The following FGF18 variants were observed in gnomAD, a reference collection of about 807,000 sequenced individuals.
FGF18 encodes fibroblast growth factor 18.
A neutral mutation model predicts 23.0 loss-of-function variants in FGF18; 5 were observed. The observed-to-expected ratio is 0.22, with a 90% CI of 0.11 to 0.46. FGF18 has a LOEUF of 0.46. FGF18 is among the 20% of genes least tolerant of loss of function. FGF18 has a pLI of 0.99. For missense variants in FGF18, 180 were observed against 291.6 expected, an observed-to-expected ratio of 0.62 and a Z score of 2.79; for synonymous variants, 117 against 118.9, an observed-to-expected ratio of 0.98 and a Z score of 0.10.
intron 3 of FGF18, among the ~76,000 whole-genome samples, chr5:171,437,589 C>G (rs1772269689): frequency 6.6e-6 from 1 of 152,198 alleles, no homozygotes; most frequent in Admixed American, 6.5e-5. Flanking sequence ...AGCTCTGTCT[C>G]CCTCCTTCGG....
chr5:171,423,830 G>A (rs1484818143), intron 2 of FGF18, among the ~76,000 whole-genome samples: 5 of 145,574 alleles, frequency 3.4e-5, no homozygotes, highest in South Asian at 4.3e-4. Context: ...GTGCAGTGGC[G>A]TGATCTTGGC....
Position 171,456,314 on chromosome 5 carries a change from C to T in FGF18, c.358-225C>T, listed in dbSNP as rs1772579198. On this transcript the variant is annotated intron_variant, in intron 4 of 4. Coordinates refer to ENST00000274625, the MANE Select transcript of FGF18 (RefSeq NM_003862.3). This position sits in a 1 kb window ranked among gnomAD's most constrained non-coding sequence, Gnocchi z 6.1. Reference sequence around the variant, plus strand: ...CTTTAGCCAGAATCCCCTACACCCTCGATGTTTCCTCTTAGTCATTTTCCA... The same window carrying T: ...CTTTAGCCAGAATCCCCTACACCCTTGATGTTTCCTCTTAGTCATTTTCCA... Among the ~76,000 whole-genome samples the T allele has an allele frequency of 6.6e-6, 1 of 152,152 alleles. No homozygotes were observed.
chr5:171,447,685 C>T (rs567548865), intron 3 of FGF18, among the ~76,000 whole-genome samples: 1 of 152,312 alleles, frequency 6.6e-6, no homozygotes, highest in Admixed American at 6.5e-5. Flanking sequence ...TTAATTTTCA[C>T]AGCAGGGCAC....
chr5:171,442,390 G>T (rs1408457192), intron 3 of FGF18, among the ~76,000 whole-genome samples: 1 of 152,200 alleles, frequency 6.6e-6, no homozygotes, highest in African/African-American at 2.4e-5. Context: ...AGGGAGGGCT[G>T]ACTCGGTGTG....
intron 3 of FGF18, among the ~76,000 whole-genome samples, chr5:171,446,613 T>G (rs1361328790): frequency 6.6e-6 from 1 of 152,230 alleles, no homozygotes; most frequent in East Asian, 1.9e-4. Context: ...TGGGCCTACT[T>G]GGGGTTGTCT....
rs1206095348 is a variant in FGF18 at position 171,456,711 on chromosome 5, G to A, written c.530G>A (p.Arg177His). The A allele has an allele frequency of 6.2e-7, 1 of 1,613,818 alleles. No homozygotes were observed. Reference sequence around the variant, plus strand: ...CAGCAGGACGTGCATTTCATGAAGCGCTACCCCAAGGGGCAGCCGGAGCTT... The same window carrying A: ...CAGCAGGACGTGCATTTCATGAAGCACTACCCCAAGGGGCAGCCGGAGCTT... Reference protein sequence around the residue: ...ENQQDVHFMKRYPKGQPELQK... With the variant: ...ENQQDVHFMKHYPKGQPELQK... Residue 177 changes from arginine (R) to histidine (H), a missense_variant, in exon 5 of 5, where the codon CGC (arginine) becomes CAC (histidine). Physicochemically the swap from Arg to His is conservative, Grantham distance 29. Coordinates refer to ENST00000274625, the MANE Select transcript of FGF18 (RefSeq NM_003862.3). This position sits in a 1 kb window ranked among gnomAD's most constrained non-coding sequence, Gnocchi z 6.1.
At position 171,456,549 on chromosome 5, in the gene FGF18, C is replaced by G. The variant is rs1772584144; in HGVS notation, c.368C>G (p.Thr123Ser). The G allele has an allele frequency of 6.2e-7, 1 of 1,612,320 alleles. No homozygotes were observed. The highest frequency in any genetic ancestry group is 8.5e-7 in the Non-Finnish European group (1 of 1,178,738). ...KGKLVGKPDG[T>S]SKECVFIEKV... Reference sequence around the variant, plus strand: ...CTCTCTCCCCTGCAGCCCGATGGCACCAGCAAGGAGTGTGTGTTCATCGAG... The same window carrying G: ...CTCTCTCCCCTGCAGCCCGATGGCAGCAGCAAGGAGTGTGTGTTCATCGAG... Residue 123 changes from threonine to serine, a missense_variant, in exon 5 of 5, where the codon ACC becomes AGC. Around this residue, in one of 3 missense-constraint regions of FGF18, gnomAD observed 83 missense variants for 190.4 expected, o/e 0.44. Coordinates refer to ENST00000274625, the MANE Select transcript of FGF18 (RefSeq NM_003862.3). The surrounding 1 kb of genome is among the most constrained non-coding windows in gnomAD (Gnocchi z 6.1).
At chr5:171,421,877 TG>T (rs1483572483) in intron 2 of FGF18, among the ~76,000 whole-genome samples, 1 of 22,858 alleles carries the variant, frequency 4.4e-5, no homozygotes, top group Non-Finnish European at 8.1e-5. Flanking sequence ...TGTGTGGTGA[TG>T]GGGGTGGGGG....
chr5:171,430,506 GGGCCGGGCGCGGTGGC>G (rs1772165094), intron 2 of FGF18, among the ~76,000 whole-genome samples: 3 of 150,604 alleles, frequency 2.0e-5, no homozygotes, highest in African/African-American at 7.4e-5. Context: ...AGAAAAAAGA[GGGCCGGGCGCGGTGGC>G]TCACGCCTGT....
At chr5:171,424,693 C>T (rs978535845) in intron 2 of FGF18, among the ~76,000 whole-genome samples, 2 of 152,110 alleles carry the variant, frequency 1.3e-5, no homozygotes, top group Admixed American at 6.5e-5. Flanking sequence ...CCCAGGTAGG[C>T]GTCTCTGGGC....
intron 4 of FGF18, among the ~76,000 whole-genome samples, chr5:171,452,790 A>G (rs983275915): frequency 6.6e-6 from 1 of 152,226 alleles, no homozygotes; most frequent in Non-Finnish European, 1.5e-5. Flanking sequence ...ATCTTTGTTA[A>G]GATGGCTTTG....
intron 2 of FGF18, among the ~76,000 whole-genome samples, chr5:171,435,038 G>A (rs1204775800): frequency 6.6e-6 from 1 of 152,206 alleles, no homozygotes; most frequent in Non-Finnish European, 1.5e-5. Context: ...GAGCATCAAA[G>A]CAGAGGGAAG....
intron 2 of FGF18, among the ~76,000 whole-genome samples, chr5:171,433,345 G>A (rs972571226): frequency 3.3e-5 from 5 of 152,188 alleles, no homozygotes; most frequent in African/African-American, 1.2e-4. Flanking sequence ...GGGGGAAGGA[G>A]ATTGGTTTGA....
intron 2 of FGF18, among the ~76,000 whole-genome samples, chr5:171,426,923 T>G (rs1293612947): frequency 6.6e-6 from 1 of 152,172 alleles, no homozygotes; most frequent in African/African-American, 2.4e-5. Flanking sequence ...AAATACCTAC[T>G]TCTGGCCGGG....
chr5:171,447,094 C>T (rs1772429045), intron 3 of FGF18, among the ~76,000 whole-genome samples: 2 of 152,214 alleles, frequency 1.3e-5, no homozygotes, highest in Admixed American at 1.3e-4. Context: ...GAGTGCTAAG[C>T]TCTTCACAGC....
chr5:171,441,446 G>A (rs1047511518), intron 3 of FGF18, among the ~76,000 whole-genome samples: 1 of 152,168 alleles, frequency 6.6e-6, no homozygotes. Context: ...CGGGCATCCC[G>A]TGAACACCCA....
intron 2 of FGF18, among the ~76,000 whole-genome samples, chr5:171,421,250 G>A (rs1458636806): frequency 6.6e-6 from 1 of 152,216 alleles, no homozygotes; most frequent in Non-Finnish European, 1.5e-5. Context: ...AAGGGTTGGG[G>A]GGAGGGAGAG....
intron 4 of FGF18, 147 bp downstream of exon 4, chr5:171,449,400 T>TGTGTGTGTGTGTGTGA (rs1458322429): frequency 4.7e-4 from 172 of 363,064 alleles, no homozygotes; most frequent in Middle Eastern, 9.1e-4. Flanking sequence ...TGTGTGTGTG[T>TGTGTGTGTGTGTGTGA]GAGAGAGAGA....
rs1772324043 is a variant in FGF18 at position 171,440,360 on chromosome 5, A to T, written c.250+4087A>T. The stretch of plus-strand genomic sequence containing the variant: ...CAGTGGGACCTGGCAGGTTAGATGC[A>T]GGTAGAAGAGTCGTCCTCCCGTGAT... On this transcript the variant is annotated intron_variant, in intron 3 of 4. Transcript: ENST00000274625. The surrounding 1 kb of genome is among the most constrained non-coding windows in gnomAD (Gnocchi z 4.0). 6.6e-6 allele frequency among the ~76,000 whole-genome samples: 1 copy of T among 152,062 alleles called. No homozygotes were observed. Among genetic ancestry groups the T allele is most frequent in the African/African-American group, 2.4e-5 (1 of 41,384 alleles).
Sources: gnomAD v4.1 joint callset for allele counts (sites outside exome capture counted in the v4.1 genomes callset) on GRCh38, gnomAD v4.1.1 for gene constraint, gnomAD v4.1.1 regional missense constraint, Gnocchi (gnomAD v3.1) non-coding constraint, MANE v1.5 for transcripts, NCBI Gene and HGNC (gene_info 2026-07-23, HGNC 2026-07-21) for gene names.